MAP4K3: variants seen among roughly 807,000 people sequenced by gnomAD.
MAP4K3 encodes the protein MAPK/ERK kinase kinase kinase 3.
MAP4K3 carries 94 observed loss-of-function variants against 143.5 expected under a neutral mutation model. The observed-to-expected ratio is 0.65, with a 90% CI of 0.55 to 0.78. MAP4K3 has a LOEUF of 0.78. MAP4K3 is among the 30% of genes least tolerant of loss of function. The pLI is 0.00. For missense variants in MAP4K3, 1,077 were observed against 1,068.1 expected, an observed-to-expected ratio of 1.01 and a Z score of -0.12; for synonymous variants, 416 against 347.2, an observed-to-expected ratio of 1.20 and a Z score of -2.20.
chr2:39,427,059 A>C (rs1379751176), intron 1 of MAP4K3, among the ~76,000 whole-genome samples: 1 of 152,100 alleles, frequency 6.6e-6, no homozygotes, highest in East Asian at 1.9e-4. Context: ...AAAAAATCTT[A>C]AAAGTCAAAC....
At chr2:39,301,712 C>T (rs947387874) in intron 15 of MAP4K3, among the ~76,000 whole-genome samples, 11 of 151,650 alleles carry the variant, frequency 7.3e-5, no homozygotes, top group South Asian at 4.2e-4. Context: ...AGGCCGGGCG[C>T]GGTAATAATG....
chr2:39,273,878 T>C (rs1469347985), intron 24 of MAP4K3, among the ~76,000 whole-genome samples: 1 of 152,190 alleles, frequency 6.6e-6, no homozygotes, highest in Non-Finnish European at 1.5e-5. Flanking sequence ...TCATTGGCTA[T>C]ACTGAAAAAA....
At chr2:39,359,386 T>C (rs1378593366) in intron 2 of MAP4K3, among the ~76,000 whole-genome samples, 1 of 152,230 alleles carries the variant, frequency 6.6e-6, no homozygotes, top group Non-Finnish European at 1.5e-5. Flanking sequence ...TCCAACCCTG[T>C]AGCTTTGCAG....
chr2:39,418,018 T>A (rs1260991864), intron 1 of MAP4K3, among the ~76,000 whole-genome samples: 1 of 152,018 alleles, frequency 6.6e-6, no homozygotes, highest in Non-Finnish European at 1.5e-5. Flanking sequence ...CTGGCCAACA[T>A]GGTGAAACCC....
intron 2 of MAP4K3, among the ~76,000 whole-genome samples, chr2:39,362,895 GC>G (rs1413515544): frequency 2.6e-5 from 4 of 152,144 alleles, no homozygotes; most frequent in Admixed American, 1.3e-4. Context: ...ATAAACACAT[GC>G]ATATAAGGTC....
In MAP4K3 at chr2:39,260,556, ATAAAACCAGTAT is replaced by A. The variant is rs753114121; in HGVS notation, c.2308+38_2308+49del. ...AAGAGATACAGTAAACTTACTACTT[ATAAAACCAGTAT>A]ATGTATTACCCTTAATAATTCCATA... On this transcript the variant is annotated intron_variant, in intron 29 of 33. Transcript: ENST00000263881. The A allele has an allele frequency of 6.0e-6, 9 of 1,506,184 alleles. No individual in the cohort carries two copies. The African/African-American group carries it at 1.3e-4, about 21-fold the overall frequency. 93.3% of individuals were successfully genotyped at this position (1,506,184 alleles called of 1,614,324 possible). A position where few individuals can be genotyped will look rare whatever the true frequency, so the allele number is the denominator to read the frequency against.
At chr2:39,436,802 C>A (rs1665499917) in intron 1 of MAP4K3, 90 bp downstream of exon 1, 5 of 1,134,474 alleles carry the variant, frequency 4.4e-6, no homozygotes, top group South Asian at 1.3e-5. Context: ...GCCAGCGTCT[C>A]CCGAGGACAG....
chr2:39,409,023 A>G (rs536322712), intron 1 of MAP4K3, among the ~76,000 whole-genome samples: 1 of 152,160 alleles, frequency 6.6e-6, no homozygotes, highest in Non-Finnish European at 1.5e-5. Context: ...GTAAAGTTAT[A>G]CTGTGCCTGC....
chr2:39,289,635 T>C (rs1681947547), intron 19 of MAP4K3, among the ~76,000 whole-genome samples: 1 of 152,234 alleles, frequency 6.6e-6, no homozygotes, highest in African/African-American at 2.4e-5. Context: ...GATAAATTAC[T>C]ATCCTTTATT....
chr2:39,366,650 G>A (rs749534519), intron 2 of MAP4K3, among the ~76,000 whole-genome samples: 2 of 152,180 alleles, frequency 1.3e-5, no homozygotes, highest in Non-Finnish European at 2.9e-5. Context: ...TCGTTTAGAT[G>A]GTTGGGAGGC....
At chr2:39,322,181 A>T (rs984830813) in intron 12 of MAP4K3, among the ~76,000 whole-genome samples, 1 of 152,226 alleles carries the variant, frequency 6.6e-6, no homozygotes, top group African/African-American at 2.4e-5. Context: ...GCATTCAGCT[A>T]GCTAGCCATA....
At position 39,250,590 on chromosome 2, in the gene MAP4K3, A is replaced by T; in HGVS notation, c.*28T>A. 1 of 1,595,914 alleles carries T rather than the reference A, an allele frequency of 6.3e-7. No homozygotes were observed. The highest frequency in any genetic ancestry group is 1.1e-5 in the South Asian group (1 of 90,294). On this transcript the variant is annotated 3_prime_UTR_variant, in exon 34 of 34. Coordinates refer to ENST00000263881, the MANE Select transcript of MAP4K3 (RefSeq NM_003618.4). ...TGCAGTGGTAGTGTTCTTTCTTTCT[A>T]GAGTTAACTGTCAAAGCACAACAAT...
intron 15 of MAP4K3, among the ~76,000 whole-genome samples, chr2:39,304,995 T>A (rs1682648188): frequency 6.6e-6 from 1 of 152,138 alleles, no homozygotes; most frequent in African/African-American, 2.4e-5. Flanking sequence ...TTATACAAGA[T>A]AACTAGAGAA....
chr2:39,343,432 C>T lies in MAP4K3; in HGVS notation c.266G>A (p.Cys89Tyr), dbSNP rs1477310035. The change falls in exon 4 of 34, where the codon TGC becomes TAC. Residue 89 changes from cysteine (C) to tyrosine (Y), a missense_variant. Cys to Tyr is a radical substitution (Grantham distance 194, BLOSUM62 -2). This residue lies in a region of MAP4K3 where 213 missense variants were observed against 266.8 expected (regional missense o/e 0.80). Transcript: ENST00000263881. ...AGAACCACCTCCACAAAACTCCATG[C>T]AAATCCAAAGCTTATCTCGCCTATA... is the stretch of plus-strand genomic sequence containing the variant. ...SYLRRDKLWICMEFCGGGSLQ... is the reference protein window; with the variant it reads ...SYLRRDKLWIYMEFCGGGSLQ... 1.2e-6 allele frequency: 2 copies of T among 1,612,876 alleles called. No individual in the cohort carries two copies. The highest frequency in any genetic ancestry group is 1.3e-5 in the African/African-American group (1 of 74,860).
chr2:39,413,292 T>C (rs551740295), intron 1 of MAP4K3, among the ~76,000 whole-genome samples: 1 of 152,242 alleles, frequency 6.6e-6, no homozygotes, highest in Admixed American at 6.5e-5. Flanking sequence ...TAGTCCTAAG[T>C]GGTTAAGGAA....
chr2:39,404,752 G>C (rs1425296335), intron 1 of MAP4K3, among the ~76,000 whole-genome samples: 1 of 151,562 alleles, frequency 6.6e-6, no homozygotes, highest in African/African-American at 2.4e-5. Context: ...TTCCTGAGTA[G>C]CTGGGATTAT....
At chr2:39,338,921 G>A (rs1010229446) in intron 4 of MAP4K3, among the ~76,000 whole-genome samples, 1 of 152,170 alleles carries the variant, frequency 6.6e-6, no homozygotes, top group African/African-American at 2.4e-5. Flanking sequence ...CCAGAAGTGT[G>A]AGAAATAAAT....
At chr2:39,411,745 G>C (rs1159985010) in intron 1 of MAP4K3, among the ~76,000 whole-genome samples, 2 of 152,156 alleles carry the variant, frequency 1.3e-5, no homozygotes, top group African/African-American at 4.8e-5. Context: ...CTAAGGAACT[G>C]TGACTGTTAG....
chr2:39,406,698 C>A (rs1667100600), intron 1 of MAP4K3, among the ~76,000 whole-genome samples: 1 of 152,042 alleles, frequency 6.6e-6, no homozygotes, highest in Non-Finnish European at 1.5e-5. Flanking sequence ...ATTTCATTAA[C>A]ACCAGACCTG....
Sources: gnomAD v4.1 joint callset for allele counts (sites outside exome capture counted in the v4.1 genomes callset) on GRCh38, gnomAD v4.1.1 for gene constraint, gnomAD v4.1.1 regional missense constraint, MANE v1.5 for transcripts, NCBI Gene and HGNC (gene_info 2026-07-23, HGNC 2026-07-21) for gene names.